Variants in PTPRD observed in about 807,000 individuals in gnomAD.
PTPRD encodes protein tyrosine phosphatase receptor type D.
A neutral mutation model predicts 214.5 loss-of-function variants in PTPRD; 34 were observed. That is an observed-to-expected ratio of 0.16 (90% CI 0.12 to 0.21). PTPRD has a LOEUF of 0.21. Among genes scored for constraint, PTPRD ranks in the 10% least tolerant of loss-of-function variants. The pLI is 1.00. For synonymous variants in PTPRD, 1,128 were observed against 845.7 expected, an observed-to-expected ratio of 1.33 and a Z score of -5.79; for missense variants, 2,545 against 2,398.7, an observed-to-expected ratio of 1.06 and a Z score of -1.27.
chr9:8,786,003 G>A (rs999524731), intron 11 of PTPRD, among the ~76,000 whole-genome samples: 1 of 151,692 alleles, frequency 6.6e-6, no homozygotes, highest in Non-Finnish European at 1.5e-5. Context: ...ACAAACACCA[G>A]ACAGGCAGTC....
At chr9:8,595,178 T>G (rs977298973) in intron 14 of PTPRD, among the ~76,000 whole-genome samples, 16 of 151,896 alleles carry the variant, frequency 1.1e-4, no homozygotes, top group Admixed American at 4.6e-4. Flanking sequence ...ACCTGTTTTT[T>G]TTTTTTTTTT....
At chr9:8,738,904 A>T (rs2091187984) in intron 11 of PTPRD, among the ~76,000 whole-genome samples, 1 of 152,208 alleles carries the variant, frequency 6.6e-6, no homozygotes, top group African/African-American at 2.4e-5. Context: ...TATCATAATG[A>T]TATTTAACCT....
intron 3 of PTPRD, among the ~76,000 whole-genome samples, chr9:10,049,735 A>G (rs1169864281): frequency 2.6e-5 from 4 of 152,194 alleles, no homozygotes; most frequent in South Asian, 2.1e-4. Context: ...ATATTTTTAA[A>G]TAAAACCTTT....
At chr9:9,947,992 A>G (rs2093009324) in intron 4 of PTPRD, among the ~76,000 whole-genome samples, 1 of 151,950 alleles carries the variant, frequency 6.6e-6, no homozygotes, top group Admixed American at 6.6e-5. Context: ...TCCTGGTAGC[A>G]AGATTTTTTT....
At chr9:9,970,756 G>T (rs549498611) in intron 4 of PTPRD, among the ~76,000 whole-genome samples, 7 of 152,256 alleles carry the variant, frequency 4.6e-5, no homozygotes, top group African/African-American at 1.7e-4. Flanking sequence ...TGAATGGGAA[G>T]GCAGAGCTTC....
At chr9:9,320,400 C>A (rs117000786) in intron 9 of PTPRD, among the ~76,000 whole-genome samples, 6 of 152,068 alleles carry the variant, frequency 3.9e-5, no homozygotes, top group Non-Finnish European at 7.4e-5. Flanking sequence ...AAAGTTAAGC[C>A]TATTCCTGAA....
intron 5 of PTPRD, among the ~76,000 whole-genome samples, chr9:9,875,905 G>A (rs2066715930): frequency 6.6e-6 from 1 of 152,088 alleles, no homozygotes. Flanking sequence ...CAAGATAATG[G>A]TTTTCTCTAG....
intron 2 of PTPRD, among the ~76,000 whole-genome samples, chr9:10,490,286 ATTTAT>A (rs1375890849): frequency 6.6e-6 from 1 of 152,200 alleles, no homozygotes; most frequent in Non-Finnish European, 1.5e-5. Context: ...AATAAAGAGT[ATTTAT>A]TTTATATTAA....
intron 10 of PTPRD, among the ~76,000 whole-genome samples, chr9:9,067,011 G>C (rs532315355): frequency 1.3e-5 from 2 of 152,332 alleles, no homozygotes; most frequent in Admixed American, 1.3e-4. Flanking sequence ...GGGAGGCTGA[G>C]GTGGGCGGAT....
At chr9:9,451,516 G>C (rs2092169726) in intron 8 of PTPRD, among the ~76,000 whole-genome samples, 1 of 151,560 alleles carries the variant, frequency 6.6e-6, no homozygotes, top group South Asian at 2.1e-4. Context: ...CTTCAATATA[G>C]CCTCAAATGG....
chr9:9,374,584 C>A (rs1051376036), intron 9 of PTPRD, among the ~76,000 whole-genome samples: 2 of 152,130 alleles, frequency 1.3e-5, no homozygotes, highest in Admixed American at 6.6e-5. Context: ...AATGCTTCCA[C>A]TGAATTAAGT....
chr9:8,460,089 C>T (rs1039853782), intron 33 of PTPRD, among the ~76,000 whole-genome samples: 1 of 152,060 alleles, frequency 6.6e-6, no homozygotes, highest in Admixed American at 6.6e-5. Context: ...TGAAAGCTTG[C>T]ATGGAATTAT....
intron 9 of PTPRD, among the ~76,000 whole-genome samples, chr9:9,300,868 C>T (rs1955006114): frequency 6.6e-6 from 1 of 151,808 alleles, no homozygotes; most frequent in Non-Finnish European, 1.5e-5. Flanking sequence ...ATTAGGGGTA[C>T]TTGCTTTAAT....
intron 13 of PTPRD, 67 bp from the exon 14 acceptor site, chr9:8,633,525 A>C: frequency 1.9e-6 from 3 of 1,559,940 alleles, no homozygotes; most frequent in African/African-American, 1.4e-5. Flanking sequence ...TAAAGCTCTC[A>C]ATACAGTGGT....
chr9:10,080,562 T>C (rs2098219835), intron 3 of PTPRD, among the ~76,000 whole-genome samples: 1 of 152,148 alleles, frequency 6.6e-6, no homozygotes, highest in African/African-American at 2.4e-5. Context: ...AGAAGACTCA[T>C]ATTTATTTGA....
At chr9:9,779,118 G>T (rs963276107) in intron 5 of PTPRD, among the ~76,000 whole-genome samples, 2 of 96,618 alleles carry the variant, frequency 2.1e-5, no homozygotes, top group African/African-American at 7.9e-5. Context: ...ATGGGGAAAG[G>T]ACTCCCTATT....
chr9:10,000,467 G>A (rs1041460645), intron 4 of PTPRD, among the ~76,000 whole-genome samples: 1 of 152,106 alleles, frequency 6.6e-6, no homozygotes, highest in Non-Finnish European at 1.5e-5. Context: ...CTCAGGAGAA[G>A]ACCCAACTGC....
At chr9:9,441,898 G>C (rs1249031473) in intron 8 of PTPRD, among the ~76,000 whole-genome samples, 1 of 152,200 alleles carries the variant, frequency 6.6e-6, no homozygotes, top group African/African-American at 2.4e-5. Context: ...TATGGTATTT[G>C]AGCAATAGCA....
At chr9:10,277,944 G>A (rs1055592388) in intron 3 of PTPRD, among the ~76,000 whole-genome samples, 2 of 152,104 alleles carry the variant, frequency 1.3e-5, no homozygotes, top group African/African-American at 4.8e-5. Flanking sequence ...GGATCATGAG[G>A]TCGGGAGATC....
Sources: gnomAD v4.1 joint callset for allele counts (sites outside exome capture counted in the v4.1 genomes callset) on GRCh38, gnomAD v4.1.1 for gene constraint, MANE v1.5 for transcripts, NCBI Gene and HGNC (gene_info 2026-07-23, HGNC 2026-07-21) for gene names.